Variants in MAGI2 observed in about 807,000 individuals in gnomAD.
The protein encoded by MAGI2 is membrane associated guanylate kinase, WW and PDZ domain containing 2.
MAGI2 carries 35 observed loss-of-function variants against 133.3 expected under a neutral mutation model. That is an observed-to-expected ratio of 0.26 (90% CI 0.20 to 0.35). MAGI2 has a LOEUF of 0.35. Among genes scored for constraint, MAGI2 ranks in the 10% least tolerant of loss-of-function variants. The pLI is 1.00. For missense variants in MAGI2, 1,636 were observed against 1,863.4 expected (o/e 0.88, Z 2.25); for synonymous variants, 729 against 710.6 (o/e 1.03, Z -0.41).
chr7:78,370,824 T>C (rs755026714), intron 6 of MAGI2, among the ~76,000 whole-genome samples: 3 of 151,984 alleles, frequency 2.0e-5, no homozygotes, highest in Non-Finnish European at 4.4e-5. Flanking sequence ...GGGAAAGCAG[T>C]TTATAATTGA....
chr7:78,733,419 A>G (rs1211351358), intron 2 of MAGI2, among the ~76,000 whole-genome samples: 4 of 152,204 alleles, frequency 2.6e-5, no homozygotes, highest in African/African-American at 9.6e-5. Flanking sequence ...GTTGTTAAAA[A>G]TATTTACAAT....
chr7:79,257,920 T>G (rs1833811006), intron 1 of MAGI2, among the ~76,000 whole-genome samples: 1 of 152,068 alleles, frequency 6.6e-6, no homozygotes, highest in South Asian at 2.1e-4. Context: ...ACTTGGAATA[T>G]CAAAGATTTA....
intron 1 of MAGI2, among the ~76,000 whole-genome samples, chr7:79,192,053 G>C (rs1827721352): frequency 1.3e-5 from 2 of 151,772 alleles, no homozygotes; most frequent in Admixed American, 1.3e-4. Flanking sequence ...ATATATCTTT[G>C]TAACTTTCAT....
In MAGI2 at chr7:78,848,539, C is replaced by A. The variant is rs1028346786; in HGVS notation, c.418+158551G>T. 2.6e-5 allele frequency among the ~76,000 whole-genome samples: 4 copies of A among 151,976 alleles called. No homozygotes were observed. The East Asian group carries it at 7.8e-4, about 29-fold the overall frequency. On this transcript the variant is annotated intron_variant, in intron 2 of 21. Coordinates refer to ENST00000354212, the MANE Select transcript of MAGI2 (RefSeq NM_012301.4). Reference sequence around the variant, plus strand: ...AACCTGAAAGGGACTCAACCCTGCACTTAGAATAAAATCAAATCTCTGACA... The same window carrying A: ...AACCTGAAAGGGACTCAACCCTGCAATTAGAATAAAATCAAATCTCTGACA...
intron 8 of MAGI2, chr7:78,345,664 C>T (rs1324529349): frequency 2.4e-6 from 1 of 417,954 alleles, no homozygotes. Context: ...TACAGTGCCA[C>T]TATAAAAATC....
At chr7:78,265,115 A>G (rs1793871658) in intron 9 of MAGI2, among the ~76,000 whole-genome samples, 1 of 152,118 alleles carries the variant, frequency 6.6e-6, no homozygotes, top group African/African-American at 2.4e-5. Context: ...AGCAGCACAC[A>G]TCCAACAATT....
intron 21 of MAGI2, among the ~76,000 whole-genome samples, chr7:78,025,164 T>C (rs1563017063): frequency 6.6e-6 from 1 of 152,206 alleles, no homozygotes; most frequent in Non-Finnish European, 1.5e-5. Flanking sequence ...CTTCAAATGC[T>C]CCAAGCTCAC....
At chr7:78,461,393 CGTGTGTGTGTGTGTGTGT>C (rs10654835) in intron 6 of MAGI2, among the ~76,000 whole-genome samples, 2 of 138,018 alleles carry the variant, frequency 1.4e-5, no homozygotes, top group African/African-American at 2.6e-5. Context: ...CGTGTGTGTG[CGTGTGTGTGTGTGTGTGT>C]GTGTGTGTGT....
At chr7:79,039,912 A>AT (rs1811500848) in intron 1 of MAGI2, among the ~76,000 whole-genome samples, 1 of 149,404 alleles carries the variant, frequency 6.7e-6, no homozygotes, top group Non-Finnish European at 1.5e-5. Context: ...TTATTCAGCC[A>AT]TAAAAAGAAG....
intron 1 of MAGI2, among the ~76,000 whole-genome samples, chr7:79,185,516 ATTTT>A (rs71095383): frequency 2.4e-5 from 3 of 126,604 alleles, no homozygotes; most frequent in Non-Finnish European, 5.1e-5. Flanking sequence ...CAATTTGGTC[ATTTT>A]TTTTTTTTTT....
intron 1 of MAGI2, among the ~76,000 whole-genome samples, chr7:79,111,976 A>AT (rs1377983867): frequency 2.0e-5 from 3 of 151,758 alleles, no homozygotes; most frequent in Non-Finnish European, 4.4e-5. Context: ...CCATATAGAG[A>AT]TTTTAACTCC....
At chr7:78,273,165 G>A (rs1217776461) in intron 9 of MAGI2, among the ~76,000 whole-genome samples, 1 of 152,176 alleles carries the variant, frequency 6.6e-6, no homozygotes, top group African/African-American at 2.4e-5. Context: ...GCATTTGCTT[G>A]TCTGTAAAGG....
chr7:78,678,110 G>A (rs555810684), intron 2 of MAGI2, among the ~76,000 whole-genome samples: 1 of 152,280 alleles, frequency 6.6e-6, no homozygotes, highest in South Asian at 2.1e-4. Context: ...TTATTGGGTA[G>A]CTGGACTAAG....
intron 9 of MAGI2, among the ~76,000 whole-genome samples, chr7:78,272,323 G>A (rs1088563): frequency 0.27 from 41,483 of 151,928 alleles, 6,796 homozygotes; most frequent in East Asian, 0.47. Context: ...TATGATTTCC[G>A]TTCTTTTGTA....
intron 3 of MAGI2, among the ~76,000 whole-genome samples, chr7:78,549,229 C>T (rs1372895825): frequency 6.6e-6 from 1 of 151,958 alleles, no homozygotes; most frequent in East Asian, 1.9e-4. Context: ...TAGGAGCTGG[C>T]CTGCTATTCC....
intron 1 of MAGI2, among the ~76,000 whole-genome samples, chr7:79,180,418 TTA>T (rs774201724): frequency 7.9e-5 from 12 of 151,994 alleles, no homozygotes; most frequent in Non-Finnish European, 1.6e-4. Context: ...AGGTCACATC[TTA>T]TGTGGATGGC....
chr7:78,110,478 G>A lies in MAGI2; in HGVS notation c.3567+15216C>T, dbSNP rs565106413. ...ATCCAATAGGCAGTTGGAAATTCAG[G>A]CTAGGCATTTATGAGGAATGTCAGT... is the stretch of plus-strand genomic sequence containing the variant. On this transcript the variant is annotated intron_variant, in intron 20 of 21. Transcript: ENST00000354212. Among the ~76,000 whole-genome samples the A allele has an allele frequency of 1.9e-4, 29 of 152,258 alleles. 1 individual carries two copies. The South Asian group carries it at 6.0e-3, about 32-fold the overall frequency.
chr7:79,058,864 C>A (rs903230158), intron 1 of MAGI2, among the ~76,000 whole-genome samples: 1 of 152,040 alleles, frequency 6.6e-6, no homozygotes, highest in African/African-American at 2.4e-5. Flanking sequence ...GGGTAAATTA[C>A]TTTTCCTCTC....
intron 2 of MAGI2, among the ~76,000 whole-genome samples, chr7:78,960,924 G>A (rs1457382387): frequency 1.3e-4 from 20 of 152,050 alleles, no homozygotes; most frequent in Admixed American, 1.3e-3. Context: ...GATTCCATAC[G>A]ACCTATATCC....
Sources: allele counts gnomAD v4.1 joint callset (sites outside exome capture counted in the v4.1 genomes callset), GRCh38; gene constraint gnomAD v4.1.1; transcripts MANE v1.5; gene names NCBI Gene and HGNC (gene_info 2026-07-23, HGNC 2026-07-21).